The following PMPCA variants were observed in gnomAD, a reference collection of about 807,000 sequenced individuals.
PMPCA encodes peptidase, mitochondrial processing subunit alpha.
In PMPCA, 47 loss-of-function variants were observed where a neutral mutation model predicts 59.3. The observed-to-expected ratio is 0.79, with a 90% CI of 0.63 to 1.01. The LOEUF (loss-of-function observed/expected upper bound fraction) is 1.01. Ranked by LOEUF, PMPCA falls within the 50% of genes least tolerant of loss-of-function variation. The probability of loss-of-function intolerance (pLI) is 0.00; values close to 1 mark genes in which losing one functional copy is unlikely to be tolerated. For missense variants in PMPCA, 726 were observed against 704.5 expected (o/e 1.03, Z -0.34); for synonymous variants, 338 against 290.3 (o/e 1.16, Z -1.67).
intron 5 of PMPCA, among the ~76,000 whole-genome samples, chr9:136,415,706 C>T (rs1018909088): frequency 6.6e-6 from 1 of 152,234 alleles, no homozygotes; most frequent in Non-Finnish European, 1.5e-5. Flanking sequence ...GATCTCGGCT[C>T]ACTGCAACCT....
In PMPCA at chr9:136,412,589, AT is replaced by A. The variant is rs1367874539; in HGVS notation, c.354+26del. On this transcript the variant is annotated intron_variant, in intron 3 of 12. Transcript: ENST00000371717. ...TTTTCGGTCAGTACCCAGTTTTGTA[AT>A]TTTTTAGACTATACTTTTGAAGGAT... 3.8e-6 allele frequency: 5 copies of A among 1,305,036 alleles called. No individual in the cohort carries two copies. Among genetic ancestry groups the A allele is most frequent in the Admixed American group, 1.8e-5 (1 of 56,234 alleles). 80.8% of individuals were successfully genotyped at this position (1,305,036 alleles called of 1,614,324 possible).
chr9:136,416,941 T>C lies in PMPCA; in HGVS notation c.634-10T>C. 1 of 1,600,516 alleles carries C rather than the reference T, an allele frequency of 6.2e-7. No individual in the cohort carries two copies. Among genetic ancestry groups the C allele is most frequent in the East Asian group, 2.2e-5 (1 of 44,698 alleles). ...TTCAGTCACCTGTGTCTGTGGCTCTTCCCCATTAGGCGGCTTACAGGGAGA... is the reference window on the plus strand; with the variant it reads ...TTCAGTCACCTGTGTCTGTGGCTCTCCCCCATTAGGCGGCTTACAGGGAGA... On this transcript the variant is annotated splice_polypyrimidine_tract_variant and intron_variant, in intron 6 of 12. Coordinates refer to ENST00000371717, the MANE Select transcript of PMPCA (RefSeq NM_015160.3).
intron 12 of PMPCA, 126 bp from the exon 13 acceptor site, chr9:136,422,969 C>T (rs1835500648): frequency 2.8e-6 from 4 of 1,450,704 alleles, no homozygotes; most frequent in Non-Finnish European, 3.6e-6. Flanking sequence ...GGCCCAGGTG[C>T]CCCCATCAGC....
At chr9:136,413,916 C>T (rs949464240) in intron 4 of PMPCA, among the ~76,000 whole-genome samples, 4 of 152,358 alleles carry the variant, frequency 2.6e-5, no homozygotes, top group African/African-American at 4.8e-5. Context: ...GTGGCTGTTG[C>T]GTCTGCTCTG....
chr9:136,416,264 A>G (rs781306712), intron 5 of PMPCA, 27 bp from the exon 6 acceptor site: 6 of 1,538,466 alleles, frequency 3.9e-6, no homozygotes, highest in South Asian at 2.2e-5. Context: ...GTGCAGACTC[A>G]GCCCTGGCCT....
intron 11 of PMPCA, chr9:136,419,319 C>G: frequency 3.2e-6 from 2 of 625,440 alleles, no homozygotes; most frequent in Non-Finnish European, 5.7e-6. Context: ...CTGGTCCAAA[C>G]CCCGAAAACA....
intron 4 of PMPCA, 37 bp from the exon 5 acceptor site, chr9:136,414,516 T>G: frequency 7.2e-7 from 1 of 1,393,430 alleles, no homozygotes; most frequent in South Asian, 1.2e-5. Context: ...GAGTGTGAGT[T>G]CAGGGCCTGG....
chr9:136,416,415 C>T (rs1407482024), intron 6 of PMPCA, 24 bp downstream of exon 6: 4 of 1,504,526 alleles, frequency 2.7e-6, no homozygotes, highest in East Asian at 2.3e-5. Context: ...CTCGAGAATG[C>T]CCCCGCATCT....
intron 11 of PMPCA, 57 bp downstream of exon 11, chr9:136,419,163 C>A: frequency 6.7e-7 from 1 of 1,481,700 alleles, no homozygotes; most frequent in Non-Finnish European, 9.4e-7. Flanking sequence ...CAGGAGACAG[C>A]CACGTTGTAG....
rs551415099 is a variant in PMPCA at position 136,414,319 on chromosome 9, G to A, written c.438-234G>A. ...AAGTGTCTGCTGTTCCCCGATGAAGGGTAGGAGGTGTCCCCTGGCACGCAA... is the reference window on the plus strand; with the variant it reads ...AAGTGTCTGCTGTTCCCCGATGAAGAGTAGGAGGTGTCCCCTGGCACGCAA... On this transcript the variant is annotated intron_variant, in intron 4 of 12. Transcript: ENST00000371717. 3.3e-5 allele frequency among the ~76,000 whole-genome samples: 5 copies of A among 152,352 alleles called. No homozygotes were observed. In the South Asian group the frequency reaches 1.0e-3, roughly 32 times the overall value.
intron 8 of PMPCA, 107 bp from the exon 9 acceptor site, chr9:136,418,448 G>A: frequency 1.3e-6 from 1 of 764,432 alleles, no homozygotes; most frequent in Non-Finnish European, 2.3e-6. Flanking sequence ...CGGCGCTCCT[G>A]ACGTGGCTTG....
At chr9:136,413,127 G>A (rs1462396724) in intron 4 of PMPCA, among the ~76,000 whole-genome samples, 1 of 152,256 alleles carries the variant, frequency 6.6e-6, no homozygotes, top group Non-Finnish European at 1.5e-5. Context: ...TGCCAGGGAT[G>A]TAGAGCAGGC....
At chr9:136,422,836 G>A (rs546348784) in intron 12 of PMPCA, 1 of 1,293,014 alleles carries the variant, frequency 7.7e-7, no homozygotes, top group South Asian at 2.1e-5. Flanking sequence ...TCTTCTGTAA[G>A]TGTAACTCTT....
chr9:136,415,498 G>A (rs1288016814), intron 5 of PMPCA, among the ~76,000 whole-genome samples: 1 of 152,252 alleles, frequency 6.6e-6, no homozygotes, highest in Non-Finnish European at 1.5e-5. Context: ...TGGACCAGGA[G>A]AGGGGAACGT....
intron 12 of PMPCA, chr9:136,422,378 C>A: frequency 8.8e-7 from 1 of 1,132,862 alleles, no homozygotes; most frequent in African/African-American, 1.6e-5. Context: ...GGAGTCTCAG[C>A]CCCAGGTTTC....
intron 3 of PMPCA, 65 bp from the exon 4 acceptor site, chr9:136,412,745 A>T (rs1835170469): frequency 1.9e-6 from 2 of 1,058,780 alleles, no homozygotes; most frequent in South Asian, 2.7e-5. Context: ...TAGATTTTAA[A>T]AAAAAATTGT....
At chr9:136,423,058 G>A in intron 12 of PMPCA, 37 bp from the exon 13 acceptor site, 1 of 1,578,530 alleles carries the variant, frequency 6.3e-7, no homozygotes, top group South Asian at 1.1e-5. Context: ...GGGGGCCGTG[G>A]CGCGCTCGTG....
At chr9:136,417,247 T>G (rs1588815229) in intron 7 of PMPCA, 33 bp downstream of exon 7, 1 of 1,531,686 alleles carries the variant, frequency 6.5e-7, no homozygotes, top group Non-Finnish European at 8.8e-7. Context: ...TGGCCTCGGG[T>G]GGGGAACACG....
Position 136,423,400 on chromosome 9 carries a change from C to T in PMPCA, c.*136C>T, listed in dbSNP as rs1201297474. 15 of 884,196 alleles carry T rather than the reference C, an allele frequency of 1.7e-5. No individual in the cohort carries two copies. Among genetic ancestry groups the T allele is most frequent in the Non-Finnish European group, 2.0e-5 (12 of 592,486 alleles). The allele number at this position is 884,196 out of a possible 1,614,324, so 54.8% of individuals were successfully genotyped here. On this transcript the variant is annotated 3_prime_UTR_variant, in exon 13 of 13. Coordinates refer to ENST00000371717, the MANE Select transcript of PMPCA (RefSeq NM_015160.3). ...GCAAACAATGTCGCCACAGCACCCA[C>T]GCGGTTTGCATTCTTTTGGAACTCA... is the stretch of plus-strand genomic sequence containing the variant.
Sources: allele counts gnomAD v4.1 joint callset (sites outside exome capture counted in the v4.1 genomes callset), GRCh38; gene constraint gnomAD v4.1.1; transcripts MANE v1.5; gene names NCBI Gene and HGNC (gene_info 2026-07-23, HGNC 2026-07-21).